Variants in PRH1 observed in about 807,000 individuals in gnomAD.
The protein encoded by PRH1 is proline rich protein HaeIII subfamily 1.
PRH1 carries 7 observed loss-of-function variants against 7.9 expected under a neutral mutation model. That is an observed-to-expected ratio of 0.89 (90% CI 0.50 to 1.67). The LOEUF is 1.67. Ranked by LOEUF, PRH1 falls within the 40% of genes most tolerant of loss-of-function variation. PRH1 has a pLI of 0.00. For synonymous variants in PRH1, 45 were observed against 80.8 expected, an observed-to-expected ratio of 0.56 and a Z score of 2.38; for missense variants, 109 against 223.6, an observed-to-expected ratio of 0.49 and a Z score of 3.27.
At chr12:11,127,677 T>C (rs1332910892) in intron 1 of PRH1, among the ~76,000 whole-genome samples, 2 of 152,292 alleles carry the variant, frequency 1.3e-5, no homozygotes, top group African/African-American at 2.4e-5. Context: ...CTATAACTTC[T>C]AAAATGAAAA....
chr12:11,028,676 A>G (rs147229785), intron 1 of PRH1, among the ~76,000 whole-genome samples: 1 of 152,378 alleles, frequency 6.6e-6, no homozygotes, highest in African/African-American at 2.4e-5. Context: ...AAAAAAATAC[A>G]TATTCAAATA....
chr12:11,000,898 T>G (rs1473816931), intron 1 of PRH1, among the ~76,000 whole-genome samples: 5 of 152,174 alleles, frequency 3.3e-5, no homozygotes, highest in Admixed American at 3.3e-4. Context: ...GCAGAAATTA[T>G]ATTTTGTTCT....
At chr12:10,979,704 T>C (rs1250969755) in intron 1 of PRH1, among the ~76,000 whole-genome samples, 1 of 152,162 alleles carries the variant, frequency 6.6e-6, no homozygotes, top group Non-Finnish European at 1.5e-5. Flanking sequence ...TAGGAGTTGA[T>C]AGCAATTATC....
At chr12:11,054,536 A>T (rs1943276883) in intron 1 of PRH1, among the ~76,000 whole-genome samples, 1 of 152,134 alleles carries the variant, frequency 6.6e-6, no homozygotes, top group African/African-American at 2.4e-5. Context: ...AATATTCAAA[A>T]ACTTTGTACT....
At chr12:11,140,024 CTA>C (rs1452432294) in intron 1 of PRH1, among the ~76,000 whole-genome samples, 14 of 151,818 alleles carry the variant, frequency 9.2e-5, no homozygotes, top group African/African-American at 2.7e-4. Flanking sequence ...AAATTTCATT[CTA>C]TGATAGTTAT....
At chr12:10,992,985 G>C (rs1489865887) in intron 1 of PRH1, among the ~76,000 whole-genome samples, 1 of 152,086 alleles carries the variant, frequency 6.6e-6, no homozygotes, top group African/African-American at 2.4e-5. Context: ...GAATAGAATT[G>C]GTCACCGACA....
intron 1 of PRH1, among the ~76,000 whole-genome samples, chr12:11,039,057 C>G (rs1316406709): frequency 6.6e-6 from 1 of 152,076 alleles, no homozygotes. Flanking sequence ...GATTGTTGAA[C>G]AACTCTTAAA....
At chr12:10,981,287 C>A (rs1190613347) in intron 1 of PRH1, among the ~76,000 whole-genome samples, 1 of 151,878 alleles carries the variant, frequency 6.6e-6, no homozygotes, top group African/African-American at 2.4e-5. Flanking sequence ...AAGTTTGGAG[C>A]CTGAACTAAC....
intron 1 of PRH1, among the ~76,000 whole-genome samples, chr12:11,099,282 C>T (rs1945159818): frequency 6.6e-6 from 1 of 152,128 alleles, no homozygotes; most frequent in African/African-American, 2.4e-5. Context: ...TATCGCCTCG[C>T]AAGTACACTG....
upstream of PRH1, chr12:11,049,292 T>G: frequency 1.8e-6 from 1 of 565,708 alleles, no homozygotes; most frequent in Non-Finnish European, 2.6e-6. Context: ...AAATGCAGCC[T>G]TAATAACACT....
At chr12:11,078,844 C>T (rs1355615779) in intron 1 of PRH1, 2 of 152,188 alleles carry the variant, frequency 1.3e-5, no homozygotes, top group South Asian at 4.1e-4. Flanking sequence ...GGCCGATACA[C>T]CTGAAAATCT....
intron 1 of PRH1, among the ~76,000 whole-genome samples, chr12:11,107,509 T>A (rs1160675109): frequency 6.6e-6 from 1 of 152,152 alleles, no homozygotes; most frequent in Non-Finnish European, 1.5e-5. Context: ...CCCTATCAAA[T>A]CCCAGCAGAT....
chr12:10,950,649 A>C (rs1189702947), intron 2 of PRH1, among the ~76,000 whole-genome samples: 1 of 151,996 alleles, frequency 6.6e-6, no homozygotes, highest in East Asian at 1.9e-4. Context: ...GTCATACCAG[A>C]GATATTTTCT....
At chr12:11,124,845 A>G (rs759562634) in intron 1 of PRH1, among the ~76,000 whole-genome samples, 1 of 151,970 alleles carries the variant, frequency 6.6e-6, no homozygotes, top group African/African-American at 2.4e-5. Flanking sequence ...TCATGGATTT[A>G]CGATTTTTTT....
At chr12:10,926,568 G>GAACTGATATCACTGATATCAC (rs1302808171) in intron 2 of PRH1, among the ~76,000 whole-genome samples, 2 of 152,186 alleles carry the variant, frequency 1.3e-5, no homozygotes, top group African/African-American at 4.8e-5. Flanking sequence ...CACTCTGATT[G>GAACTGATATCACTGATATCAC]TCGTGAGGGA....
chr12:10,910,651 C>T (rs1259799889), intron 2 of PRH1, among the ~76,000 whole-genome samples: 1 of 151,918 alleles, frequency 6.6e-6, no homozygotes, highest in Non-Finnish European at 1.5e-5. Flanking sequence ...TTCCTCACCC[C>T]GCCCCACTCT....
intron 1 of PRH1, among the ~76,000 whole-genome samples, chr12:11,020,363 G>GATATATCTATCTATATAT: frequency 1.1e-5 from 1 of 87,582 alleles, no homozygotes; most frequent in Non-Finnish European, 2.3e-5. Context: ...TATGATAAGC[G>GATATATCTATCTATATAT]ATATATATAT....
chr12:11,139,979 T>A (rs1250817012), intron 1 of PRH1, among the ~76,000 whole-genome samples: 2 of 152,088 alleles, frequency 1.3e-5, no homozygotes, highest in African/African-American at 4.8e-5. Context: ...CCAAGTTCTT[T>A]CCTATTCTAA....
At chr12:11,108,479 A>G (rs373917471) in intron 1 of PRH1, among the ~76,000 whole-genome samples, 1 of 152,260 alleles carries the variant, frequency 6.6e-6, no homozygotes, top group East Asian at 1.9e-4. Context: ...GGCTCATCTC[A>G]CTGGGACTGG....
Sources: gnomAD v4.1 joint callset for allele counts (sites outside exome capture counted in the v4.1 genomes callset) on GRCh38, gnomAD v4.1.1 for gene constraint, MANE v1.5 for transcripts, NCBI Gene and HGNC (gene_info 2026-07-23, HGNC 2026-07-21) for gene names.